The following SNTG1 variants were observed in gnomAD, a reference collection of about 807,000 sequenced individuals.
SNTG1 encodes syntrophin gamma 1, also known as gamma-1-syntrophin.
In SNTG1, 39 loss-of-function variants were observed where a neutral mutation model predicts 74.7. The ratio of observed to expected loss-of-function variants is 0.52; its 90% CI spans 0.40 to 0.68. The LOEUF is 0.68. Ranked by LOEUF, SNTG1 falls within the 30% of genes least tolerant of loss-of-function variation. The probability of loss-of-function intolerance (pLI) is 0.00; values close to 1 mark genes in which losing one functional copy is unlikely to be tolerated. For missense variants in SNTG1, 685 were observed against 609.5 expected (o/e 1.12, Z -1.30); for synonymous variants, 254 against 217.1 (o/e 1.17, Z -1.49).
chr8:50,204,758 C>T lies in SNTG1; in HGVS notation c.-28+32123C>T, dbSNP rs529881103. On this transcript the variant is annotated intron_variant, in intron 2 of 18. Transcript: ENST00000642720. ...TGACAGGCCCCGGTGTGTGATGTTC[C>T]CCACTCTGTGTCCAGGTGTTCTCAT... 3.3e-5 allele frequency among the ~76,000 whole-genome samples: 5 copies of T among 152,160 alleles called. No individual in the cohort carries two copies. In the East Asian group the frequency reaches 9.7e-4, roughly 30 times the overall value.
intron 2 of SNTG1, among the ~76,000 whole-genome samples, chr8:50,212,409 G>A (rs1586710781): frequency 6.6e-6 from 1 of 152,204 alleles, no homozygotes; most frequent in East Asian, 1.9e-4. Flanking sequence ...ATTGAGTTTA[G>A]GGTTGAGATG....
chr8:50,254,593 T>A (rs2086790234), intron 2 of SNTG1, among the ~76,000 whole-genome samples: 1 of 152,112 alleles, frequency 6.6e-6, no homozygotes, highest in Admixed American at 6.5e-5. Context: ...CACACGTGAA[T>A]CCCAGCACTT....
chr8:50,515,236 C>T (rs534619495), intron 9 of SNTG1, among the ~76,000 whole-genome samples: 11 of 151,778 alleles, frequency 7.2e-5, no homozygotes, highest in Admixed American at 7.2e-4. Context: ...TATTTGGCTT[C>T]TTGTTGCATA....
chr8:50,013,619 C>T (rs939303163), intron 1 of SNTG1, among the ~76,000 whole-genome samples: 3 of 151,832 alleles, frequency 2.0e-5, no homozygotes, highest in Non-Finnish European at 4.4e-5. Context: ...ATTTTTTAAA[C>T]TAACACATAA....
intron 15 of SNTG1, among the ~76,000 whole-genome samples, chr8:50,672,579 G>A (rs963197172): frequency 1.8e-4 from 27 of 151,994 alleles, no homozygotes; most frequent in African/African-American, 5.8e-4. Context: ...GTAAATTCTA[G>A]ATATTAGACC....
At chr8:50,789,071 A>T (rs543149763) in intron 18 of SNTG1, among the ~76,000 whole-genome samples, 1 of 152,150 alleles carries the variant, frequency 6.6e-6, no homozygotes, top group African/African-American at 2.4e-5. Flanking sequence ...AAAAAGGAAA[A>T]GAAGGATTTC....
chr8:50,763,889 AC>A (rs2095606382), intron 18 of SNTG1, among the ~76,000 whole-genome samples: 1 of 137,656 alleles, frequency 7.3e-6, no homozygotes, highest in African/African-American at 3.3e-5. Flanking sequence ...ACACACACAC[AC>A]ACACACACAC....
chr8:50,604,543 G>T (rs1395318252), intron 13 of SNTG1, among the ~76,000 whole-genome samples: 1 of 152,122 alleles, frequency 6.6e-6, no homozygotes, highest in Non-Finnish European at 1.5e-5. Context: ...TTACAGGCAG[G>T]GGAGTTCTGC....
intron 2 of SNTG1, among the ~76,000 whole-genome samples, chr8:50,374,512 C>T (rs2092336089): frequency 6.6e-6 from 1 of 152,148 alleles, no homozygotes; most frequent in Non-Finnish European, 1.5e-5. Flanking sequence ...AAAAGATCTT[C>T]ATTTTCTGTC....
At chr8:50,788,186 T>C (rs1295906742) in intron 18 of SNTG1, among the ~76,000 whole-genome samples, 1 of 152,088 alleles carries the variant, frequency 6.6e-6, no homozygotes, top group Non-Finnish European at 1.5e-5. Flanking sequence ...CCATTAAGAA[T>C]ATTAGAGTTA....
chr8:49,947,347 C>T (rs318877), intron 1 of SNTG1, among the ~76,000 whole-genome samples: 132,127 of 152,158 alleles, frequency 0.87, 57,548 homozygotes, highest in East Asian at 1. Flanking sequence ...CAACTTTTTC[C>T]CAGTGATAAG....
chr8:49,971,324 T>C (rs1467952237), intron 1 of SNTG1, among the ~76,000 whole-genome samples: 2 of 152,156 alleles, frequency 1.3e-5, no homozygotes, highest in Admixed American at 6.5e-5. Context: ...CAACCCTTCA[T>C]GCTGAAAACT....
chr8:50,320,925 G>C (rs750536799), intron 2 of SNTG1, among the ~76,000 whole-genome samples: 17 of 152,012 alleles, frequency 1.1e-4, no homozygotes, highest in Non-Finnish European at 2.4e-4. Flanking sequence ...CTGTTTTGTG[G>C]CTTAATATGT....
At chr8:50,759,190 T>C (rs1489583157) in intron 18 of SNTG1, among the ~76,000 whole-genome samples, 1 of 152,152 alleles carries the variant, frequency 6.6e-6, no homozygotes, top group Non-Finnish European at 1.5e-5. Context: ...TTTAAGTTCT[T>C]TGTAGATTCT....
chr8:50,734,957 C>A lies in SNTG1; in HGVS notation c.1285-17044C>A, dbSNP rs56152926. Among the ~76,000 whole-genome samples, 28 of 59,256 alleles carry A rather than the reference C, an allele frequency of 4.7e-4. 3 individuals carry two copies. Among genetic ancestry groups the A allele is most frequent in the African/African-American group, 7.6e-4 (5 of 6,614 alleles). The allele number at this position is 59,256 out of a possible 152,430, so 38.9% of individuals were successfully genotyped here. A position where few individuals can be genotyped will look rare whatever the true frequency, so the allele number is the denominator to read the frequency against. ...TATAGATATATATGGACATATATAT[C>A]TATATATCCATATATATCTATCCAT... On this transcript the variant is annotated intron_variant, in intron 17 of 18. Coordinates refer to ENST00000642720, the MANE Select transcript of SNTG1 (RefSeq NM_018967.5).
Position 50,795,414 on chromosome 8 carries a change from A to C in SNTG1, c.*2585A>C, listed in dbSNP as rs758043732. The C allele has an allele frequency of 3.3e-5, 5 of 152,098 alleles. No individual in the cohort carries two copies. Among genetic ancestry groups the C allele is most frequent in the Non-Finnish European group, 5.9e-5 (4 of 67,988 alleles). The allele number at this position is 152,098 out of a possible 1,614,324, so 9.4% of individuals were successfully genotyped here. A position where few individuals can be genotyped will look rare whatever the true frequency, so the allele number is the denominator to read the frequency against. On this transcript the variant is annotated 3_prime_UTR_variant, in exon 19 of 19. Coordinates refer to ENST00000642720, the MANE Select transcript of SNTG1 (RefSeq NM_018967.5). ...GCTTTGAAATGAACAAAAACACTTA[A>C]AAATTTCTATCTCTCATATAATTTA...
chr8:49,914,091 A>T (rs970857823), intron 1 of SNTG1, among the ~76,000 whole-genome samples: 8 of 152,156 alleles, frequency 5.3e-5, no homozygotes, highest in Non-Finnish European at 1.0e-4. Flanking sequence ...CCTTACATTG[A>T]GATAGAGTTT....
chr8:49,923,592 G>A (rs566866637), intron 1 of SNTG1, among the ~76,000 whole-genome samples: 1 of 152,028 alleles, frequency 6.6e-6, no homozygotes, highest in African/African-American at 2.4e-5. Context: ...TTGAGTCCTA[G>A]GAGGAAGATG....
At chr8:50,134,485 G>A (rs1223523171) in intron 1 of SNTG1, among the ~76,000 whole-genome samples, 3 of 152,094 alleles carry the variant, frequency 2.0e-5, no homozygotes, top group African/African-American at 7.2e-5. Flanking sequence ...AAGTACACTG[G>A]ATTTGGCAAG....
Sources: gnomAD v4.1 joint callset for allele counts (sites outside exome capture counted in the v4.1 genomes callset) on GRCh38, gnomAD v4.1.1 for gene constraint, MANE v1.5 for transcripts, NCBI Gene and HGNC (gene_info 2026-07-23, HGNC 2026-07-21) for gene names.